The following PRKCZ variants were observed in gnomAD, a reference collection of about 807,000 sequenced individuals.
The protein encoded by PRKCZ is protein kinase C zeta.
Under a neutral mutation model 79.5 loss-of-function variants are expected in PRKCZ, and 33 were observed. That is an observed-to-expected ratio of 0.41 (90% confidence interval 0.31 to 0.55). PRKCZ has a LOEUF of 0.55. Among genes scored for constraint, PRKCZ ranks in the 20% least tolerant of loss-of-function variants. The probability of loss-of-function intolerance (pLI) is 0.19; values close to 1 mark genes in which losing one functional copy is unlikely to be tolerated. For synonymous variants in PRKCZ, 342 were observed against 320.9 expected, an observed-to-expected ratio of 1.07 and a Z score of -0.70; for missense variants, 578 against 813.5, an observed-to-expected ratio of 0.71 and a Z score of 3.52.
At position 2,181,568 on chromosome 1, in the gene PRKCZ, G is replaced by C. The variant is rs1183971782; in HGVS notation, c.1576-3015G>C. ...GTCCCGACCTGGAGCCCACGTGCCAGCTGCAGAGATGGGCACTGAAGGCTT... is the reference window on the plus strand; with the variant it reads ...GTCCCGACCTGGAGCCCACGTGCCACCTGCAGAGATGGGCACTGAAGGCTT... On this transcript the variant is annotated intron_variant, in intron 16 of 17. Coordinates refer to ENST00000378567, the MANE Select transcript of PRKCZ (RefSeq NM_002744.6). Among the ~76,000 whole-genome samples, 3 of 152,236 alleles carry C rather than the reference G, an allele frequency of 2.0e-5. No homozygotes were observed. In the East Asian group the frequency reaches 5.8e-4, roughly 29 times the overall value.
chr1:2,167,529 C>T (rs1318434392), intron 10 of PRKCZ, among the ~76,000 whole-genome samples: 1 of 152,128 alleles, frequency 6.6e-6, no homozygotes, highest in African/African-American at 2.4e-5. Context: ...GGGACCAGCA[C>T]CCATTGGGGC....
intron 1 of PRKCZ, among the ~76,000 whole-genome samples, chr1:2,052,204 C>T (rs1165666439): frequency 6.6e-6 from 1 of 152,156 alleles, no homozygotes; most frequent in Non-Finnish European, 1.5e-5. Context: ...GACCCTCCTG[C>T]ATTCCGGCGT....
intron 4 of PRKCZ, among the ~76,000 whole-genome samples, chr1:2,086,933 C>T (rs1375642915): frequency 6.6e-6 from 1 of 152,204 alleles, no homozygotes; most frequent in African/African-American, 2.4e-5. Context: ...ATGCCTCCTG[C>T]CATGCCCATG....
chr1:2,064,104 C>G (rs948403227), intron 4 of PRKCZ, among the ~76,000 whole-genome samples: 62 of 152,238 alleles, frequency 4.1e-4, no homozygotes, highest in African/African-American at 1.5e-3. Context: ...ACCTCGGCCT[C>G]CCAAAATGCT....
chr1:2,185,321 C>T lies in PRKCZ; in HGVS notation c.*312C>T, dbSNP rs576203350. On this transcript the variant is annotated 3_prime_UTR_variant, in exon 18 of 18. Coordinates refer to ENST00000378567, the MANE Select transcript of PRKCZ (RefSeq NM_002744.6). Reference sequence around the variant, plus strand: ...GCACATTTTCCACGGAAACAGAACTCGATGCACTGACCTGCTCCGCCAGGA... The same window carrying T: ...GCACATTTTCCACGGAAACAGAACTTGATGCACTGACCTGCTCCGCCAGGA... 3 of 718,738 alleles carry T rather than the reference C, an allele frequency of 4.2e-6. No homozygotes were observed. Among genetic ancestry groups the T allele is most frequent in the African/African-American group, 1.7e-5 (1 of 57,404 alleles). 44.5% of individuals were successfully genotyped at this position (718,738 alleles called of 1,614,324 possible). A position where few individuals can be genotyped will look rare whatever the true frequency, so the allele number is the denominator to read the frequency against.
chr1:2,048,533 A>C (rs190929121), upstream of PRKCZ, among the ~76,000 whole-genome samples: 520 of 151,484 alleles, frequency 3.4e-3, 3 homozygotes, highest in African/African-American at 0.012. Context: ...CCGGGGCAGC[A>C]AAGAGGCCTC....
chr1:2,067,243 G>A (rs1266184554), intron 4 of PRKCZ, among the ~76,000 whole-genome samples: 2 of 152,308 alleles, frequency 1.3e-5, no homozygotes, highest in Admixed American at 6.5e-5. Flanking sequence ...AGCCGCTGTG[G>A]GTACAGCGCT....
At chr1:2,146,244 C>T (rs1678488382) in intron 7 of PRKCZ, 136 bp downstream of exon 7, 7 of 838,492 alleles carry the variant, frequency 8.3e-6, no homozygotes, top group Non-Finnish European at 7.6e-6. Context: ...GGCCACCCTT[C>T]CCTGGGGCTG....
intron 4 of PRKCZ, among the ~76,000 whole-genome samples, chr1:2,129,385 G>A (rs1482381744): frequency 6.6e-6 from 1 of 152,254 alleles, no homozygotes; most frequent in Admixed American, 6.5e-5. Context: ...GAACTGTCAC[G>A]GTCAGAAAGC....
At chr1:2,093,020 A>G (rs928585595) in intron 4 of PRKCZ, among the ~76,000 whole-genome samples, 9 of 152,172 alleles carry the variant, frequency 5.9e-5, no homozygotes, top group Non-Finnish European at 1.2e-4. Flanking sequence ...CTCACCCCCC[A>G]GTTACACCCA....
chr1:2,164,139 TTTTG>T (rs1682871167), intron 10 of PRKCZ, among the ~76,000 whole-genome samples: 1 of 152,186 alleles, frequency 6.6e-6, no homozygotes, highest in Non-Finnish European at 1.5e-5. Flanking sequence ...TTAGGATTTT[TTTTG>T]GTTGATATTC....
rs1313283392 is a variant in PRKCZ, at chr1:2,075,966, G to A, written c.334+16375G>A. 2.0e-5 allele frequency among the ~76,000 whole-genome samples: 3 copies of A among 152,252 alleles called. No individual in the cohort carries two copies. Among genetic ancestry groups the A allele is most frequent in the Non-Finnish European group, 4.4e-5 (3 of 68,044 alleles). On this transcript the variant is annotated intron_variant, in intron 4 of 17. Coordinates refer to ENST00000378567, the MANE Select transcript of PRKCZ (RefSeq NM_002744.6). This position sits in a 1 kb window ranked among gnomAD's most constrained non-coding sequence, Gnocchi z 4.8. Reference sequence around the variant, plus strand: ...CATGGAGGTTGAACTGTTGGGGGGCGGGAGGACCATCCATGGGGTCAGGCA... The same window carrying A: ...CATGGAGGTTGAACTGTTGGGGGGCAGGAGGACCATCCATGGGGTCAGGCA...
At chr1:2,118,646 T>C (rs1172717299) in intron 4 of PRKCZ, among the ~76,000 whole-genome samples, 1 of 152,052 alleles carries the variant, frequency 6.6e-6, no homozygotes, top group Non-Finnish European at 1.5e-5. Flanking sequence ...CAAATGTTGC[T>C]CTTTAGATGA....
At chr1:2,143,379 G>A (rs1677808206) in intron 5 of PRKCZ, 1 of 152,238 alleles carries the variant, frequency 6.6e-6, no homozygotes, top group Admixed American at 6.5e-5. Flanking sequence ...TAATAGGAAG[G>A]AAATTTGTGA....
intron 4 of PRKCZ, among the ~76,000 whole-genome samples, chr1:2,132,790 A>G (rs886228701): frequency 7.9e-5 from 12 of 152,254 alleles, no homozygotes; most frequent in Admixed American, 2.0e-4. Context: ...TTCCACCCTT[A>G]GTCTCTGAGG....
At chr1:2,141,637 C>G (rs112817647) in intron 5 of PRKCZ, 1 of 154,604 alleles carries the variant, frequency 6.5e-6, no homozygotes. Flanking sequence ...TGAGCCACTG[C>G]GCCTGGCCAA....
At chr1:2,137,663 G>A (rs1037814429) in intron 5 of PRKCZ, among the ~76,000 whole-genome samples, 23 of 152,310 alleles carry the variant, frequency 1.5e-4, no homozygotes, top group African/African-American at 5.5e-4. Context: ...CAGTGACATG[G>A]GCCAGGGCTC....
At chr1:2,104,789 C>T (rs1038258445) in intron 4 of PRKCZ, 105 of 985,926 alleles carry the variant, frequency 1.1e-4, no homozygotes, top group Non-Finnish European at 1.2e-4. Flanking sequence ...CCCCCGGGGC[C>T]GAGCACGAAA....
chr1:2,158,723 T>G (rs1321321160), intron 10 of PRKCZ, among the ~76,000 whole-genome samples: 1 of 152,190 alleles, frequency 6.6e-6, no homozygotes, highest in South Asian at 2.1e-4. Flanking sequence ...TCACTTCCCC[T>G]GAGTGGCCCA....
Sources: gnomAD v4.1 joint callset for allele counts (sites outside exome capture counted in the v4.1 genomes callset) on GRCh38, gnomAD v4.1.1 for gene constraint, Gnocchi (gnomAD v3.1) non-coding constraint, MANE v1.5 for transcripts, NCBI Gene and HGNC (gene_info 2026-07-23, HGNC 2026-07-21) for gene names.